Variants in SLC15A3 observed in about 807,000 individuals in gnomAD.
SLC15A3 encodes osteoclast transporter.
In SLC15A3, 39 loss-of-function variants were observed where a neutral mutation model predicts 49.2. The ratio of observed to expected loss-of-function variants is 0.79; its 90% CI spans 0.61 to 1.04. SLC15A3 has a LOEUF of 1.04. Ranked by LOEUF, SLC15A3 falls within the 50% of genes least tolerant of loss-of-function variation. The pLI is 0.00. For synonymous variants in SLC15A3, 339 were observed against 367.0 expected (o/e 0.92, Z 0.87); for missense variants, 758 against 794.8 (o/e 0.95, Z 0.56).
chr11:60,950,889 C>T (rs1856903927), intron 1 of SLC15A3, 105 bp downstream of exon 1: 2 of 1,198,508 alleles, frequency 1.7e-6, no homozygotes, highest in African/African-American at 1.6e-5. Context: ...AATCAGGAAA[C>T]TAGTGCAGGC....
At chr11:60,946,900 G>C (rs1856813960) in intron 1 of SLC15A3, 79 bp from the exon 2 acceptor site, 1 of 1,486,374 alleles carries the variant, frequency 6.7e-7, no homozygotes, top group African/African-American at 1.4e-5. Context: ...CCCTCCTACA[G>C]AGACACTTCT....
intron 1 of SLC15A3, among the ~76,000 whole-genome samples, chr11:60,949,552 G>GAAAT (rs1252095135): frequency 1.3e-5 from 1 of 76,968 alleles, no homozygotes; most frequent in African/African-American, 2.8e-5. Flanking sequence ...AAGAAAGAAA[G>GAAAT]AAAGAAAGAA....
rs1379006975 is a variant in SLC15A3, at chr11:60,939,478, A to G, written c.1435+2T>C. ...AGGAGCAGGGGAGGGGATCCAGGGT[A>G]CCTGGGATGCTGGCAAAGATCTCAC... On this transcript the variant is annotated splice_donor_variant, in intron 6 of 7. Transcript: ENST00000227880. LOFTEE classifies it high-confidence loss of function. The G allele has an allele frequency of 6.2e-7, 1 of 1,613,900 alleles. No individual in the cohort carries two copies. Among genetic ancestry groups the G allele is most frequent in the South Asian group, 1.1e-5 (1 of 91,072 alleles).
At chr11:60,947,421 C>T (rs1401875085) in intron 1 of SLC15A3, among the ~76,000 whole-genome samples, 1 of 152,188 alleles carries the variant, frequency 6.6e-6, no homozygotes, top group East Asian at 1.9e-4. Context: ...CCTCGTGATC[C>T]GCTCGCCTCG....
rs188517736 is a variant in SLC15A3, at chr11:60,951,605, T to A, written c.-54A>T. On this transcript the variant is annotated 5_prime_UTR_variant, in exon 1 of 8. Transcript: ENST00000227880. The stretch of plus-strand genomic sequence containing the variant: ...TCTTCTCTCCTCTCCTCTCCCCGCC[T>A]CAGAGCCCTGCACTCCTGCCCCCGG... 2.2e-3 allele frequency: 2,215 copies of A among 1,000,174 alleles called. 37 individuals are homozygous for A. The African/African-American group carries it at 0.041, about 19-fold the overall frequency. The allele number at this position is 1,000,174 out of a possible 1,614,324, so 62.0% of individuals were successfully genotyped here. A position where few individuals can be genotyped will look rare whatever the true frequency, so the allele number is the denominator to read the frequency against.
At chr11:60,944,985 C>T (rs1410403411) in intron 2 of SLC15A3, among the ~76,000 whole-genome samples, 2 of 152,186 alleles carry the variant, frequency 1.3e-5, no homozygotes, top group Admixed American at 1.3e-4. Context: ...CCCTTCCCAG[C>T]GTGTGCTGCC....
chr11:60,939,785 T>G, intron 5 of SLC15A3, 147 bp from the exon 6 acceptor site: 2 of 909,056 alleles, frequency 2.2e-6, no homozygotes, highest in Non-Finnish European at 3.3e-6. Flanking sequence ...GACTGGGGGG[T>G]GGAGGAGGGG....
intron 1 of SLC15A3, among the ~76,000 whole-genome samples, chr11:60,948,912 G>A (rs1856844299): frequency 6.6e-6 from 1 of 152,222 alleles, no homozygotes; most frequent in Non-Finnish European, 1.5e-5. Flanking sequence ...AATGACACAG[G>A]TTAAGGGTAC....
intron 2 of SLC15A3, among the ~76,000 whole-genome samples, chr11:60,946,091 C>G (rs1162554344): frequency 6.6e-6 from 1 of 152,124 alleles, no homozygotes; most frequent in South Asian, 2.1e-4. Flanking sequence ...CTCCTGGACT[C>G]GATTGATCCT....
At chr11:60,949,450 G>GAGAA (rs1486205642) in intron 1 of SLC15A3, among the ~76,000 whole-genome samples, 1 of 138,626 alleles carries the variant, frequency 7.2e-6, no homozygotes, top group Non-Finnish European at 1.6e-5. Flanking sequence ...AAGAAAGAAA[G>GAGAA]AGAAAGAAAG....
intron 7 of SLC15A3, 171 bp downstream of exon 7, chr11:60,937,699 A>G: frequency 1.2e-6 from 1 of 850,180 alleles, no homozygotes. Context: ...GAAAGGCCCA[A>G]GGAGGGAGGC....
chr11:60,939,086 G>A lies in SLC15A3; in HGVS notation c.1435+394C>T, dbSNP rs977641699. On this transcript the variant is annotated intron_variant, in intron 6 of 7. Coordinates refer to ENST00000227880, the MANE Select transcript of SLC15A3 (RefSeq NM_016582.3). ...TGTGCTATGATAGAGAGATGAACACGGGGCGGGAAGGGAGGACCCCTTCTG... is the reference window on the plus strand; with the variant it reads ...TGTGCTATGATAGAGAGATGAACACAGGGCGGGAAGGGAGGACCCCTTCTG... 2.0e-5 allele frequency among the ~76,000 whole-genome samples: 3 copies of A among 152,318 alleles called. No homozygotes were observed. The East Asian group carries it at 5.8e-4, about 29-fold the overall frequency.
chr11:60,947,401 G>C (rs1056290529), intron 1 of SLC15A3, among the ~76,000 whole-genome samples: 4 of 152,096 alleles, frequency 2.6e-5, no homozygotes, highest in African/African-American at 9.7e-5. Context: ...GGATGGTCTC[G>C]ATCTCCTGAC....
chr11:60,946,823 T>C lies in SLC15A3; in HGVS notation c.559-2A>G. 1 of 1,606,116 alleles carries C rather than the reference T, an allele frequency of 6.2e-7. No individual in the cohort carries two copies. Among genetic ancestry groups the C allele is most frequent in the Non-Finnish European group, 8.5e-7 (1 of 1,177,612 alleles). On this transcript the variant is annotated splice_acceptor_variant, in intron 1 of 7. Coordinates refer to ENST00000227880, the MANE Select transcript of SLC15A3 (RefSeq NM_016582.3). LOFTEE classifies it high-confidence loss of function. ...GGCGTCGCGGCCGAGATCCATCACCTGCCATTCAGGAAGGGGTGACAGTGA... is the reference window on the plus strand; with the variant it reads ...GGCGTCGCGGCCGAGATCCATCACCCGCCATTCAGGAAGGGGTGACAGTGA...
At chr11:60,941,848 T>C in intron 4 of SLC15A3, 187 bp downstream of exon 4, 1 of 601,762 alleles carries the variant, frequency 1.7e-6, no homozygotes, top group East Asian at 2.9e-5. Context: ...CTTCAAGCAG[T>C]TGAGCATCTT....
intron 6 of SLC15A3, among the ~76,000 whole-genome samples, chr11:60,938,316 GCA>G (rs762886263): frequency 6.6e-6 from 1 of 152,160 alleles, no homozygotes; most frequent in Non-Finnish European, 1.5e-5. Context: ...TTCAGTGACA[GCA>G]CCATCTTTAC....
Position 60,951,631 on chromosome 11 carries a change from G to T in SLC15A3, c.-80C>A. On this transcript the variant is annotated 5_prime_UTR_variant, in exon 1 of 8. Transcript: ENST00000227880. ...CAGAGCCCTGCACTCCTGCCCCCGG[G>T]CCTCGGCCCTCTCCCCCACCCAACT... 9.7e-7 allele frequency: 1 copy of T among 1,027,862 alleles called. No homozygotes were observed. The highest frequency in any genetic ancestry group is 1.2e-6 in the Non-Finnish European group (1 of 851,864). 63.7% of individuals were successfully genotyped at this position (1,027,862 alleles called of 1,614,324 possible).
At chr11:60,937,732 G>A in intron 7 of SLC15A3, 138 bp downstream of exon 7, 2 of 1,202,986 alleles carry the variant, frequency 1.7e-6, no homozygotes, top group Non-Finnish European at 2.3e-6. Context: ...GACTGGCCAA[G>A]CCCGGGCTAG....
At chr11:60,947,669 A>G (rs1328295188) in intron 1 of SLC15A3, 1 of 152,186 alleles carries the variant, frequency 6.6e-6, no homozygotes, top group African/African-American at 2.4e-5. Flanking sequence ...TCTGATATAC[A>G]GCAGAGGTGG....
Sources: allele counts gnomAD v4.1 joint callset (sites outside exome capture counted in the v4.1 genomes callset), GRCh38; gene constraint gnomAD v4.1.1; transcripts MANE v1.5; gene names NCBI Gene and HGNC (gene_info 2026-07-23, HGNC 2026-07-21).